USH2A: variants seen among roughly 807,000 people sequenced by gnomAD.
The protein encoded by USH2A is Usher syndrome 2A (autosomal recessive, mild).
In USH2A, 443 loss-of-function variants were observed where a neutral mutation model predicts 538.9. The ratio of observed to expected loss-of-function variants is 0.82; its 90% CI spans 0.76 to 0.89. The LOEUF is 0.89. Ranked by LOEUF, USH2A falls within the 40% of genes least tolerant of loss-of-function variation. The pLI is 0.00. For synonymous variants in USH2A, 2,413 were observed against 2,273.5 expected (o/e 1.06, Z -1.75); for missense variants, 6,633 against 6,324.8 (o/e 1.05, Z -1.65).
chr1:216,243,274 C>T (rs978596778), intron 13 of USH2A, among the ~76,000 whole-genome samples: 1 of 152,076 alleles, frequency 6.6e-6, no homozygotes. Context: ...TTAACTTTGG[C>T]TGATTTTTTT....
chr1:215,682,860 TATTTA>T (rs1658283753), intron 61 of USH2A, among the ~76,000 whole-genome samples: 2 of 151,778 alleles, frequency 1.3e-5, no homozygotes, highest in South Asian at 2.1e-4. Context: ...TTTATTTATT[TATTTA>T]ATTTATTATT....
intron 32 of USH2A, among the ~76,000 whole-genome samples, chr1:216,034,861 A>G (rs1417566689): frequency 1.3e-5 from 2 of 152,196 alleles, no homozygotes; most frequent in Non-Finnish European, 2.9e-5. Context: ...ATACATTTCT[A>G]TTGTGTTAAG....
At chr1:216,074,458 C>T (rs1023279655) in intron 27 of USH2A, among the ~76,000 whole-genome samples, 2 of 152,132 alleles carry the variant, frequency 1.3e-5, no homozygotes, top group African/African-American at 2.4e-5. Flanking sequence ...AAATGCATAA[C>T]AGTAAAATAA....
At chr1:216,106,223 T>C (rs1051749236) in intron 21 of USH2A, among the ~76,000 whole-genome samples, 1 of 147,460 alleles carries the variant, frequency 6.8e-6, no homozygotes, top group Non-Finnish European at 1.5e-5. Context: ...ATAATAAATA[T>C]ATATTAAATA....
chr1:216,125,069 C>T (rs549368763), intron 21 of USH2A, among the ~76,000 whole-genome samples: 83 of 152,186 alleles, frequency 5.5e-4, no homozygotes, highest in African/African-American at 1.9e-3. Context: ...ATTCAATATG[C>T]TTATATAGAA....
intron 55 of USH2A, among the ~76,000 whole-genome samples, chr1:215,777,379 T>C (rs956137355): frequency 2.0e-5 from 3 of 152,244 alleles, no homozygotes; most frequent in African/African-American, 7.2e-5. Context: ...GGTGTATAAA[T>C]GCTGATTTCT....
chr1:216,211,577 C>T (rs997403901), intron 15 of USH2A, among the ~76,000 whole-genome samples: 1 of 152,180 alleles, frequency 6.6e-6, no homozygotes, highest in Non-Finnish European at 1.5e-5. Context: ...ATAATATTTA[C>T]ATCATATGTT....
In USH2A at chr1:216,317,987, A is replaced by G. The variant is rs537878828; in HGVS notation, c.1644+3896T>C. On this transcript the variant is annotated intron_variant, in intron 9 of 71. Transcript: ENST00000307340. ...CACCAATTTGTGACATTGACCTTAT[A>G]AACAAATGAATAGTATTTTGTACGG... 9.8e-4 allele frequency among the ~76,000 whole-genome samples: 150 copies of G among 152,344 alleles called. 1 individual carries two copies. Among genetic ancestry groups the G allele is most frequent in the African/African-American group, 3.5e-3 (144 of 41,584 alleles).
chr1:215,896,031 T>C (rs1430052221), intron 40 of USH2A, among the ~76,000 whole-genome samples: 1 of 152,226 alleles, frequency 6.6e-6, no homozygotes, highest in Non-Finnish European at 1.5e-5. Context: ...CACCGTCATA[T>C]ATGTGGTTCA....
chr1:215,766,604 T>C, intron 56 of USH2A, 77 bp downstream of exon 56: 1 of 1,292,276 alleles, frequency 7.7e-7, no homozygotes, highest in Non-Finnish European at 1.1e-6. Flanking sequence ...TTATTTGTTA[T>C]GAAGGAGTTT....
In USH2A at chr1:215,813,750, G is replaced by C; in HGVS notation, c.9725C>G (p.Ala3242Gly). Residue 3242 changes from alanine to glycine, a missense_variant, in exon 49 of 72, where the codon GCT becomes GGT. Ala to Gly is a moderately conservative substitution (Grantham distance 60). Coordinates refer to ENST00000307340, the MANE Select transcript of USH2A (RefSeq NM_206933.4). ...PNHQCCSGYYARILPGEVCCP... is the reference protein window; with the variant it reads ...PNHQCCSGYYGRILPGEVCCP... Reference sequence around the variant, plus strand: ...ATAACCCTCACCTGGTAGAATTCTAGCGTAATACCCAGAGCAGCACTGATG... The same window carrying C: ...ATAACCCTCACCTGGTAGAATTCTACCGTAATACCCAGAGCAGCACTGATG... 1 of 1,613,816 alleles carries C rather than the reference G, an allele frequency of 6.2e-7. No individual in the cohort carries two copies. The highest frequency in any genetic ancestry group is 1.1e-5 in the South Asian group (1 of 91,082).
intron 3 of USH2A, among the ~76,000 whole-genome samples, chr1:216,388,255 G>A (rs1156493390): frequency 6.6e-6 from 1 of 152,172 alleles, no homozygotes; most frequent in Non-Finnish European, 1.5e-5. Flanking sequence ...GTAAATGTCA[G>A]GGAATAATAC....
chr1:215,941,600 A>G lies in USH2A; in HGVS notation c.7121-6805T>C, dbSNP rs76083884. The stretch of plus-strand genomic sequence containing the variant: ...CACTGGACATGAATACAACTATTTT[A>G]TCACCAAAACGTGTTTCCTTTTAAA... On this transcript the variant is annotated intron_variant, in intron 37 of 71. Coordinates refer to ENST00000307340, the MANE Select transcript of USH2A (RefSeq NM_206933.4). 7.0e-3 allele frequency among the ~76,000 whole-genome samples: 1,068 copies of G among 152,244 alleles called. 12 individuals are homozygous for G. Among genetic ancestry groups the G allele is most frequent in the African/African-American group, 0.024 (1,008 of 41,546 alleles).
intron 30 of USH2A, among the ~76,000 whole-genome samples, chr1:216,049,020 C>A (rs955091208): frequency 6.6e-6 from 1 of 152,144 alleles, no homozygotes; most frequent in African/African-American, 2.4e-5. Flanking sequence ...AGAAACAAAA[C>A]TATTTAATTT....
rs143546878 is a variant in USH2A at position 216,084,723 on chromosome 1, A to C, written c.5142T>G (p.Asn1714Lys). 1.9e-6 allele frequency: 3 copies of C among 1,613,342 alleles called. No individual in the cohort carries two copies. The highest frequency in any genetic ancestry group is 2.5e-6 in the Non-Finnish European group (3 of 1,179,604). The part of the protein sequence containing the change: ...NSWEGCPASL[N>K]EGAQFLGAGF... ...CTGCTCCTAGGAACTGAGCTCCCTC[A>C]TTTAATGAAGCGGGACATCCCTCCC... Residue 1714 changes from asparagine (N) to lysine (K), a missense_variant, in exon 25 of 72, where the codon AAT (asparagine) becomes AAG (lysine). By Grantham distance (94) the Asn-to-Lys change is moderately conservative (BLOSUM62 0). Transcript: ENST00000307340.
chr1:216,203,223 A>G (rs1444600196), intron 16 of USH2A, among the ~76,000 whole-genome samples: 1 of 151,814 alleles, frequency 6.6e-6, no homozygotes, highest in Non-Finnish European at 1.5e-5. Context: ...ACACACATAC[A>G]TATATGTATA....
At chr1:216,324,988 T>C (rs1003158567) in intron 6 of USH2A, among the ~76,000 whole-genome samples, 5 of 152,042 alleles carry the variant, frequency 3.3e-5, no homozygotes, top group Non-Finnish European at 7.4e-5. Flanking sequence ...GGGTGGGCCT[T>C]ATATAAGAGA....
At chr1:215,996,745 T>C (rs755638167) in intron 34 of USH2A, among the ~76,000 whole-genome samples, 7 of 152,068 alleles carry the variant, frequency 4.6e-5, no homozygotes, top group Non-Finnish European at 8.8e-5. Flanking sequence ...CAGCTTCCCA[T>C]TTCCAATAGG....
At chr1:216,068,900 AG>A (rs2031468297) in intron 30 of USH2A, among the ~76,000 whole-genome samples, 1 of 152,230 alleles carries the variant, frequency 6.6e-6, no homozygotes, top group South Asian at 2.1e-4. Flanking sequence ...AGAAAGTAAT[AG>A]AAATCCTATA....
Sources: gnomAD v4.1 joint callset for allele counts (sites outside exome capture counted in the v4.1 genomes callset) on GRCh38, gnomAD v4.1.1 for gene constraint, MANE v1.5 for transcripts, NCBI Gene and HGNC (gene_info 2026-07-23, HGNC 2026-07-21) for gene names.